AFG1L: variants seen among roughly 807,000 people sequenced by gnomAD.
AFG1L encodes AFG1 like ATPase, also known as AFG1-like ATPase.
A neutral mutation model predicts 62.2 loss-of-function variants in AFG1L; 53 were observed. The observed-to-expected ratio is 0.85, with a 90% CI of 0.68 to 1.07. The LOEUF (loss-of-function observed/expected upper bound fraction) is 1.07, where lower values mean the gene tolerates loss of function less well. Ranked by LOEUF, AFG1L falls within the 50% of genes least tolerant of loss-of-function variation. The pLI, the probability that AFG1L is intolerant of heterozygous loss-of-function variation, is 0.00. For synonymous variants in AFG1L, 228 were observed against 210.3 expected, an observed-to-expected ratio of 1.08 and a Z score of -0.73; for missense variants, 555 against 590.5, an observed-to-expected ratio of 0.94 and a Z score of 0.62.
intron 1 of AFG1L, among the ~76,000 whole-genome samples, chr6:108,315,361 A>T (rs1255051999): frequency 6.6e-6 from 1 of 152,130 alleles, no homozygotes; most frequent in African/African-American, 2.4e-5. Flanking sequence ...TCCTTTTGGC[A>T]TTCGGGTGTC....
intron 10 of AFG1L, among the ~76,000 whole-genome samples, chr6:108,499,802 T>A (rs971744423): frequency 6.6e-6 from 1 of 152,072 alleles, no homozygotes; most frequent in African/African-American, 2.4e-5. Context: ...AGGAATTTTT[T>A]TAAAAAAATA....
intron 2 of AFG1L, among the ~76,000 whole-genome samples, chr6:108,339,455 T>A (rs1562093972): frequency 1.4e-5 from 2 of 147,498 alleles, no homozygotes. Context: ...ATAAATTCTT[T>A]AAATTTTTTT....
Position 108,415,796 on chromosome 6 carries a change from T to A in AFG1L, c.807+13742T>A, listed in dbSNP as rs1221669597. Among the ~76,000 whole-genome samples, 6 of 152,310 alleles carry A rather than the reference T, an allele frequency of 3.9e-5. No individual in the cohort carries two copies. In the South Asian group the frequency reaches 1.0e-3, roughly 26 times the overall value. ...CAAGATGGATTAAAGACTTAAATGT[T>A]AGACCTAAAACCATAAAAACCTAGA... On this transcript the variant is annotated intron_variant, in intron 7 of 12. Coordinates refer to ENST00000368977, the MANE Select transcript of AFG1L (RefSeq NM_145315.5).
At chr6:108,308,951 C>T (rs892838892) in intron 1 of AFG1L, among the ~76,000 whole-genome samples, 2 of 152,158 alleles carry the variant, frequency 1.3e-5, no homozygotes, top group South Asian at 2.1e-4. Flanking sequence ...AGGTGATCTG[C>T]CCACCTCAGC....
intron 2 of AFG1L, chr6:108,344,907 C>T: frequency 7.1e-6 from 3 of 422,782 alleles, no homozygotes; most frequent in Middle Eastern, 7.1e-4. Flanking sequence ...CCTTCAGTTT[C>T]CAGTTTTGCT....
rs548263828 is a variant in AFG1L at position 108,374,749 on chromosome 6, T to G, written c.748+8417T>G. Among the ~76,000 whole-genome samples the G allele has an allele frequency of 4.7e-4, 71 of 152,332 alleles. 1 individual carries two copies. Among genetic ancestry groups the G allele is most frequent in the African/African-American group, 1.7e-3 (70 of 41,572 alleles). ...GTTACCATAGCCTTATGGTATAGTT[T>G]GAAGTTGGTTAATGTGATGCCTTTG... On this transcript the variant is annotated intron_variant, in intron 6 of 12. Coordinates refer to ENST00000368977, the MANE Select transcript of AFG1L (RefSeq NM_145315.5).
At chr6:108,447,380 C>T (rs184221511) in intron 8 of AFG1L, 84 bp downstream of exon 8, 46 of 764,612 alleles carry the variant, frequency 6.0e-5, no homozygotes, top group East Asian at 5.4e-5. Flanking sequence ...ATTATTGGAA[C>T]GTGAAAGGCT....
At chr6:108,447,886 G>A (rs1461125019) in intron 8 of AFG1L, among the ~76,000 whole-genome samples, 2 of 152,134 alleles carry the variant, frequency 1.3e-5, no homozygotes, top group Non-Finnish European at 2.9e-5. Context: ...TTGTGAGAAC[G>A]TGAAAAGGAA....
At chr6:108,410,582 C>T (rs1782054651) in intron 7 of AFG1L, among the ~76,000 whole-genome samples, 1 of 152,116 alleles carries the variant, frequency 6.6e-6, no homozygotes, top group African/African-American at 2.4e-5. Context: ...GATTTATAGT[C>T]CTTAGTGAAG....
At position 108,510,230 on chromosome 6, in the gene AFG1L, T is replaced by A. The variant is rs757985499; in HGVS notation, c.1081T>A (p.Tyr361Asn). 1 of 1,607,716 alleles carries A rather than the reference T, an allele frequency of 6.2e-7. No homozygotes were observed. The highest frequency in any genetic ancestry group is 8.5e-7 in the Non-Finnish European group (1 of 1,178,058). The change falls in exon 11 of 13, where the codon TAT becomes AAT. Residue 361 changes from tyrosine to asparagine, a missense_variant. Transcript: ENST00000368977. The part of the protein sequence containing the change: ...LCERPLGASD[Y>N]LELSKNFDTI... ...ATCATAGCCACTTGGAGCCAGTGAC[T>A]ATTTGGAACTATCAAAGAATTTTGA...
intron 6 of AFG1L, among the ~76,000 whole-genome samples, chr6:108,392,860 T>C (rs1374821112): frequency 6.6e-6 from 1 of 152,088 alleles, no homozygotes. Context: ...TCGATATGTA[T>C]ATATATAAAT....
intron 6 of AFG1L, among the ~76,000 whole-genome samples, chr6:108,381,997 G>GCT (rs1458092600): frequency 7.6e-4 from 90 of 118,310 alleles, no homozygotes; most frequent in African/African-American, 2.7e-3. Context: ...TTTATTCACT[G>GCT]TTTTTTTTTT....
chr6:108,444,878 G>GTCA (rs1487131455), intron 7 of AFG1L, among the ~76,000 whole-genome samples: 3 of 152,200 alleles, frequency 2.0e-5, no homozygotes, highest in Non-Finnish European at 2.9e-5. Context: ...TCAACATCAA[G>GTCA]TCATCAGTTG....
intron 10 of AFG1L, among the ~76,000 whole-genome samples, chr6:108,484,050 A>G (rs1487103072): frequency 6.6e-6 from 1 of 152,144 alleles, no homozygotes; most frequent in Admixed American, 6.5e-5. Flanking sequence ...AGTAAATATC[A>G]TACTAAAGGA....
At chr6:108,410,001 C>A (rs1016842990) in intron 7 of AFG1L, among the ~76,000 whole-genome samples, 3 of 152,190 alleles carry the variant, frequency 2.0e-5, no homozygotes, top group Non-Finnish European at 4.4e-5. Context: ...GTATGATCCC[C>A]CCATCAAGAA....
intron 7 of AFG1L, among the ~76,000 whole-genome samples, chr6:108,442,819 C>T (rs906056493): frequency 6.6e-6 from 1 of 152,134 alleles, no homozygotes; most frequent in Non-Finnish European, 1.5e-5. Context: ...TATCCAGAAA[C>T]CCCCCTTAGT....
intron 6 of AFG1L, among the ~76,000 whole-genome samples, chr6:108,376,750 T>C (rs779200138): frequency 2.6e-5 from 4 of 152,120 alleles, no homozygotes; most frequent in Admixed American, 6.6e-5. Flanking sequence ...GTGGTCGATA[T>C]ATAGAGTATT....
intron 11 of AFG1L, among the ~76,000 whole-genome samples, chr6:108,512,439 A>T (rs1048731852): frequency 1.3e-5 from 2 of 152,162 alleles, no homozygotes; most frequent in East Asian, 1.9e-4. Context: ...ATGGAGGCCC[A>T]TCAGCTGTGA....
intron 7 of AFG1L, among the ~76,000 whole-genome samples, chr6:108,445,918 G>C (rs1771767547): frequency 1.3e-5 from 2 of 152,034 alleles, no homozygotes; most frequent in South Asian, 4.2e-4. Flanking sequence ...ACATGCTGTT[G>C]GAAAATTGAG....
Sources: allele counts gnomAD v4.1 joint callset (sites outside exome capture counted in the v4.1 genomes callset), GRCh38; gene constraint gnomAD v4.1.1; transcripts MANE v1.5; gene names NCBI Gene and HGNC (gene_info 2026-07-23, HGNC 2026-07-21).